Variants in ANO2 observed in about 807,000 individuals in gnomAD.
ANO2 encodes anoctamin 2, also known as anoctamin-2.
ANO2 carries 101 observed loss-of-function variants against 124.2 expected under a neutral mutation model. That is an observed-to-expected ratio of 0.81 (90% CI 0.69 to 0.96). The LOEUF is 0.96. Ranked by LOEUF, ANO2 falls within the 40% of genes least tolerant of loss-of-function variation. The pLI is 0.00. For missense variants in ANO2, 1,293 were observed against 1,274.5 expected, an observed-to-expected ratio of 1.01 and a Z score of -0.22; for synonymous variants, 486 against 482.5, an observed-to-expected ratio of 1.01 and a Z score of -0.09.
In ANO2 at chr12:5,890,227, C is replaced by A. The variant is rs974162737; in HGVS notation, c.534+30813G>T. On this transcript the variant is annotated intron_variant, in intron 3 of 24. Transcript: ENST00000682330. ...CTACTATGGCAGCTGCTTGGAGGTG[C>A]TTGCAGCCTCATTGCCAACCCACTG... Among the ~76,000 whole-genome samples, 5 of 152,128 alleles carry A rather than the reference C, an allele frequency of 3.3e-5. No individual in the cohort carries two copies. In the South Asian group the frequency reaches 1.0e-3, roughly 32 times the overall value.
At chr12:5,587,324 T>G (rs2136861540) in intron 20 of ANO2, among the ~76,000 whole-genome samples, 1 of 152,306 alleles carries the variant, frequency 6.6e-6, no homozygotes, top group South Asian at 2.1e-4. Context: ...AATGAAACGG[T>G]GATAAAACTT....
intron 14 of ANO2, among the ~76,000 whole-genome samples, chr12:5,662,164 G>A (rs148052647): frequency 1.3e-5 from 2 of 152,350 alleles, no homozygotes; most frequent in Non-Finnish European, 2.9e-5. Context: ...TGGGCGTGCC[G>A]CCAGGCCTGC....
intron 15 of ANO2, 110 bp downstream of exon 15, chr12:5,647,617 C>T (rs2277400): frequency 1.1e-6 from 1 of 938,310 alleles, no homozygotes; most frequent in Non-Finnish European, 1.7e-6. Context: ...TGTGGCTTCC[C>T]CTTTACCAGC....
chr12:5,821,649 C>T (rs1953802857), intron 7 of ANO2, among the ~76,000 whole-genome samples: 1 of 152,212 alleles, frequency 6.6e-6, no homozygotes, highest in Non-Finnish European at 1.5e-5. Flanking sequence ...GATAACTGCT[C>T]TCCTTTTGAG....
intron 14 of ANO2, among the ~76,000 whole-genome samples, chr12:5,678,581 A>G (rs1591882784): frequency 6.6e-6 from 1 of 152,194 alleles, no homozygotes; most frequent in South Asian, 2.1e-4. Context: ...ACTGGAACGC[A>G]TTTCTGAGGG....
At chr12:5,629,907 G>A (rs766751592) in intron 16 of ANO2, among the ~76,000 whole-genome samples, 4 of 152,208 alleles carry the variant, frequency 2.6e-5, no homozygotes, top group Non-Finnish European at 5.9e-5. Flanking sequence ...ATTCCAGCAT[G>A]CCTTGCATCT....
chr12:5,810,912 G>A (rs1275042320), intron 7 of ANO2, among the ~76,000 whole-genome samples: 1 of 152,218 alleles, frequency 6.6e-6, no homozygotes, highest in Admixed American at 6.5e-5. Context: ...ACCAGGGAAG[G>A]CTTAGGCCCC....
Position 5,644,372 on chromosome 12 carries a change from T to G in ANO2, c.1620+3355A>C, listed in dbSNP as rs114385299. Among the ~76,000 whole-genome samples the G allele has an allele frequency of 1.5e-3, 236 of 152,346 alleles. 1 individual carries two copies. The highest frequency in any genetic ancestry group is 5.4e-3 in the African/African-American group (224 of 41,580). On this transcript the variant is annotated intron_variant, in intron 15 of 24. Transcript: ENST00000682330. ...GTCTCATCATCTCTTCTCACAAGAA[T>G]GTAACATTATCTTACTCATTGTAGT... is the stretch of plus-strand genomic sequence containing the variant.
At chr12:5,726,633 AG>A (rs1289828390) in intron 14 of ANO2, among the ~76,000 whole-genome samples, 1 of 152,368 alleles carries the variant, frequency 6.6e-6, no homozygotes, top group East Asian at 1.9e-4. Flanking sequence ...GAAATAATAA[AG>A]GAAATAATAC....
At chr12:5,714,864 A>G (rs1949959403) in intron 14 of ANO2, among the ~76,000 whole-genome samples, 1 of 152,332 alleles carries the variant, frequency 6.6e-6, no homozygotes, top group South Asian at 2.1e-4. Flanking sequence ...CACATTCCAA[A>G]TTCAAAGAGC....
chr12:5,644,154 T>C (rs1221829672), intron 15 of ANO2, among the ~76,000 whole-genome samples: 1 of 152,218 alleles, frequency 6.6e-6, no homozygotes, highest in Non-Finnish European at 1.5e-5. Context: ...TTGTTTTGCC[T>C]TTCACAGTCC....
chr12:5,892,896 A>T (rs1939508011), intron 3 of ANO2, among the ~76,000 whole-genome samples: 1 of 152,234 alleles, frequency 6.6e-6, no homozygotes, highest in South Asian at 2.1e-4. Flanking sequence ...AAATTCTTTG[A>T]AATGTTTGAC....
At chr12:5,843,691 G>T (rs1954596563) in intron 4 of ANO2, among the ~76,000 whole-genome samples, 1 of 152,132 alleles carries the variant, frequency 6.6e-6, no homozygotes, top group Non-Finnish European at 1.5e-5. Flanking sequence ...AGGGAACGCG[G>T]GGCAATTCCT....
chr12:5,754,630 G>A (rs901837042), intron 10 of ANO2, among the ~76,000 whole-genome samples: 5 of 151,946 alleles, frequency 3.3e-5, no homozygotes, highest in African/African-American at 7.3e-5. Flanking sequence ...TTTGTCATTG[G>A]TCTGTACAGG....
chr12:5,930,093 C>A (rs1232433064), intron 1 of ANO2, among the ~76,000 whole-genome samples: 6 of 130,634 alleles, frequency 4.6e-5, no homozygotes, highest in Non-Finnish European at 8.6e-5. Context: ...CGTCTACCTT[C>A]TTTCCTTATT....
chr12:5,599,724 C>T lies in ANO2; in HGVS notation c.2088-95G>A, dbSNP rs571486705. The T allele has an allele frequency of 5.2e-6, 7 of 1,343,224 alleles. No homozygotes were observed. In the Middle Eastern group the frequency reaches 7.3e-4, roughly 140 times the overall value. 83.2% of individuals were successfully genotyped at this position (1,343,224 alleles called of 1,614,324 possible). On this transcript the variant is annotated intron_variant, in intron 19 of 24. Coordinates refer to ENST00000682330, the MANE Select transcript of ANO2 (RefSeq NM_001364791.2). ...GAAAAAGAACACAAAAGTTTTGACA[C>T]TAAAGCCATCTCTGATCCAAAAACA...
At chr12:5,812,357 A>G (rs1232642418) in intron 7 of ANO2, among the ~76,000 whole-genome samples, 2 of 129,038 alleles carry the variant, frequency 1.5e-5, no homozygotes, top group Admixed American at 7.6e-5. Context: ...GGAAGGAGGA[A>G]GGAGAGAGAA....
At chr12:5,755,486 A>G (rs1261111167) in intron 10 of ANO2, among the ~76,000 whole-genome samples, 2 of 151,784 alleles carry the variant, frequency 1.3e-5, no homozygotes, top group African/African-American at 4.8e-5. Context: ...TACATGTGCC[A>G]TGTTCGTGTG....
chr12:5,583,449 C>T (rs370022688), intron 20 of ANO2, among the ~76,000 whole-genome samples: 5 of 151,676 alleles, frequency 3.3e-5, no homozygotes, highest in Non-Finnish European at 4.4e-5. Flanking sequence ...GTCAGGAGAT[C>T]GAGACCATCT....
Sources: allele counts gnomAD v4.1 joint callset (sites outside exome capture counted in the v4.1 genomes callset), GRCh38; gene constraint gnomAD v4.1.1; transcripts MANE v1.5; gene names NCBI Gene and HGNC (gene_info 2026-07-23, HGNC 2026-07-21).